TMC3: variants seen among roughly 807,000 people sequenced by gnomAD.
TMC3 encodes the protein transmembrane channel like 3.
Under a neutral mutation model 110.6 loss-of-function variants are expected in TMC3, and 98 were observed. The ratio of observed to expected loss-of-function variants is 0.89; its 90% CI spans 0.75 to 1.05. The LOEUF is 1.05. Among genes scored for constraint, TMC3 ranks in the 50% least tolerant of loss-of-function variants. The probability of loss-of-function intolerance (pLI) is 0.00; values close to 1 mark genes in which losing one functional copy is unlikely to be tolerated. For missense variants in TMC3, 1,319 were observed against 1,373.2 expected (o/e 0.96, Z 0.62); for synonymous variants, 489 against 513.1 (o/e 0.95, Z 0.63).
chr15:81,368,182 C>T lies in TMC3; in HGVS notation c.312+71G>A, dbSNP rs965457908. On this transcript the variant is annotated intron_variant, in intron 3 of 21. Transcript: ENST00000359440. Reference sequence around the variant, plus strand: ...TCTTCTGACCTCGTGATCCACCTCCCTTGGCCTCCCAAAGCACTGGGATTA... The same window carrying T: ...TCTTCTGACCTCGTGATCCACCTCCTTTGGCCTCCCAAAGCACTGGGATTA... 1.1e-5 allele frequency: 12 copies of T among 1,121,262 alleles called. No individual in the cohort carries two copies. The African/African-American group carries it at 1.4e-4, about 13-fold the overall frequency. The allele number at this position is 1,121,262 out of a possible 1,614,324, so 69.5% of individuals were successfully genotyped here. A position where few individuals can be genotyped will look rare whatever the true frequency, so the allele number is the denominator to read the frequency against.
intron 5 of TMC3, 98 bp from the exon 6 acceptor site, chr15:81,358,598 CAT>C: frequency 1.1e-6 from 1 of 873,816 alleles, no homozygotes; most frequent in Non-Finnish European, 1.7e-6. Context: ...AAATGCCACA[CAT>C]AAGAGATCTC....
Position 81,372,744 on chromosome 15 carries a change from G to A in TMC3, c.90-7C>T, listed in dbSNP as rs771817840. The A allele has an allele frequency of 2.5e-6, 4 of 1,613,612 alleles. No individual in the cohort carries two copies. The highest frequency in any genetic ancestry group is 2.2e-5 in the South Asian group (2 of 91,046). ...AAAGCTGTCATCCAAGTTGCTGAAT[G>A]ATCAGGGCATTAAGGAGGAAATCTG... On this transcript the variant is annotated splice_polypyrimidine_tract_variant and splice_region_variant and intron_variant, in intron 1 of 21. Coordinates refer to ENST00000359440, the MANE Select transcript of TMC3 (RefSeq NM_001080532.3).
intron 16 of TMC3, among the ~76,000 whole-genome samples, chr15:81,340,864 T>A (rs934297895): frequency 6.6e-6 from 1 of 152,144 alleles, no homozygotes; most frequent in Non-Finnish European, 1.5e-5. Flanking sequence ...ATAAAGAAAT[T>A]GGGGTATATT....
intron 16 of TMC3, among the ~76,000 whole-genome samples, chr15:81,339,736 A>C (rs4077174): frequency 0.16 from 24,090 of 152,192 alleles, 4,002 homozygotes; most frequent in African/African-American, 0.43. Flanking sequence ...TGTTCATCTA[A>C]TAAACATTTG....
intron 19 of TMC3, 39 bp from the exon 20 acceptor site, chr15:81,336,690 G>A: frequency 1.2e-6 from 2 of 1,602,040 alleles, no homozygotes; most frequent in South Asian, 1.1e-5. Context: ...TTTGGCTTTA[G>A]CAGGAAGCAG....
In TMC3 at chr15:81,333,847, G is replaced by T. The variant is rs1474627620; in HGVS notation, c.2460-585C>A. On this transcript the variant is annotated intron_variant, in intron 21 of 21. Transcript: ENST00000359440. ...CTATTGAAAATACAAAAAAATAGCC[G>T]GGTGTGGTGGCAGGTGCCTGTAATC... Among the ~76,000 whole-genome samples, 3 of 152,168 alleles carry T rather than the reference G, an allele frequency of 2.0e-5. No individual in the cohort carries two copies. The South Asian group carries it at 6.2e-4, about 32-fold the overall frequency.
chr15:81,353,702 A>G (rs1432132578), intron 9 of TMC3, among the ~76,000 whole-genome samples: 1 of 152,256 alleles, frequency 6.6e-6, no homozygotes, highest in African/African-American at 2.4e-5. Flanking sequence ...GTGTAAGTAC[A>G]TGCTATGATG....
chr15:81,334,434 A>G (rs1893544822), intron 21 of TMC3, among the ~76,000 whole-genome samples: 1 of 152,204 alleles, frequency 6.6e-6, no homozygotes, highest in Non-Finnish European at 1.5e-5. Context: ...TGGAACTAAA[A>G]AATAAACAGT....
At position 81,333,058 on chromosome 15, in the gene TMC3, A is replaced by G. The variant is rs1402303011; in HGVS notation, c.2664T>C (p.Tyr888=). 13 of 1,613,926 alleles carry G rather than the reference A, an allele frequency of 8.1e-6. No homozygotes were observed. Among genetic ancestry groups the G allele is most frequent in the Non-Finnish European group, 1.1e-5 (13 of 1,179,902 alleles). The part of the protein sequence containing the change: ...QGPRPHAPRY[Y]VINECDSYKK... ...TGTAAGAGTCACATTCATTAATGAC[A>G]TAGTATCTGGGGGCGTGGGGCCTGG... Residue 888 remains tyrosine (Y), a synonymous_variant, in exon 22 of 22, where the codon TAT becomes TAC. Transcript: ENST00000359440.
intron 21 of TMC3, among the ~76,000 whole-genome samples, chr15:81,334,221 C>T (rs530917495): frequency 2.0e-5 from 3 of 152,300 alleles, no homozygotes; most frequent in African/African-American, 7.2e-5. Flanking sequence ...CGCTGTGCTA[C>T]ATTCAGATCA....
rs1385309322 is a variant in TMC3 at position 81,332,823 on chromosome 15, G to A, written c.2899C>T (p.Arg967Cys). 1.9e-6 allele frequency: 3 copies of A among 1,612,808 alleles called. No homozygotes were observed. The highest frequency in any genetic ancestry group is 2.5e-6 in the Non-Finnish European group (3 of 1,179,612). ...CCAATATAAAAATGAGGAGCCCGACGGAGGTCTATCAGGGAGCGTGGGGGA... is the reference window on the plus strand; with the variant it reads ...CCAATATAAAAATGAGGAGCCCGACAGAGGTCTATCAGGGAGCGTGGGGGA... ...SLPPRSLIDL[R>C]RAPHFYIGER... Residue 967 changes from arginine (R) to cysteine (C), a missense_variant, in exon 22 of 22, where the codon CGT becomes TGT. Transcript: ENST00000359440.
At chr15:81,348,623 G>A (rs535710074) in intron 11 of TMC3, among the ~76,000 whole-genome samples, 1 of 152,276 alleles carries the variant, frequency 6.6e-6, no homozygotes, top group African/African-American at 2.4e-5. Context: ...AAAGCTTCCA[G>A]GCATATCTAC....
chr15:81,370,985 C>CTT (rs146751564), intron 2 of TMC3, among the ~76,000 whole-genome samples: 1 of 149,262 alleles, frequency 6.7e-6, no homozygotes, highest in South Asian at 2.1e-4. Context: ...GAACCTATGT[C>CTT]TTTTTTTTTT....
At chr15:81,372,173 C>T (rs574587996) in intron 2 of TMC3, among the ~76,000 whole-genome samples, 26 of 151,190 alleles carry the variant, frequency 1.7e-4, no homozygotes, top group African/African-American at 6.3e-4. Context: ...AAATGAGTAT[C>T]TCTTTTCATA....
intron 9 of TMC3, 116 bp from the exon 10 acceptor site, chr15:81,351,957 C>T (rs1893961448): frequency 8.0e-7 from 1 of 1,252,958 alleles, no homozygotes; most frequent in Admixed American, 2.3e-5. Flanking sequence ...GATTCTCTGC[C>T]CTGAAGCATC....
intron 3 of TMC3, among the ~76,000 whole-genome samples, chr15:81,365,065 G>A (rs1238372119): frequency 6.6e-6 from 1 of 152,160 alleles, no homozygotes; most frequent in Non-Finnish European, 1.5e-5. Flanking sequence ...CTTATTATAT[G>A]TCAGTATCTC....
intron 10 of TMC3, among the ~76,000 whole-genome samples, chr15:81,350,837 T>G (rs1442218263): frequency 6.6e-6 from 1 of 152,202 alleles, no homozygotes; most frequent in Non-Finnish European, 1.5e-5. Context: ...ATTCCAAAAT[T>G]GTTCATAACC....
At chr15:81,373,926 C>T (rs1894492675) in intron 1 of TMC3, 63 bp downstream of exon 1, 1 of 1,465,162 alleles carries the variant, frequency 6.8e-7, no homozygotes, top group East Asian at 2.3e-5. Flanking sequence ...GCTCTGGTGA[C>T]CCATGCATTC....
chr15:81,347,528 G>C lies in TMC3; in HGVS notation c.1194-1085C>G, dbSNP rs113821717. 1.7e-3 allele frequency among the ~76,000 whole-genome samples: 257 copies of C among 152,342 alleles called. 1 individual carries two copies. The highest frequency in any genetic ancestry group is 5.8e-3 in the African/African-American group (243 of 41,580). On this transcript the variant is annotated intron_variant, in intron 11 of 21. Transcript: ENST00000359440. ...GAGTACAAGGCAAGCCCCTCAGTGT[G>C]TATTCAGTAAGTGTTGGCCAAAGGA... is the stretch of plus-strand genomic sequence containing the variant.
Sources: gnomAD v4.1 joint callset for allele counts (sites outside exome capture counted in the v4.1 genomes callset) on GRCh38, gnomAD v4.1.1 for gene constraint, MANE v1.5 for transcripts, NCBI Gene and HGNC (gene_info 2026-07-23, HGNC 2026-07-21) for gene names.